Variants in AFG2B observed in about 807,000 individuals in gnomAD.
AFG2B encodes ATPase family gene 2 protein homolog B.
At chr15:45,414,766 A>G in the AFG2B span, 1 of 1,613,938 alleles carries the variant, frequency 6.2e-7, no homozygotes, top group African/African-American at 1.3e-5. Flanking sequence ...AGATTCAGAA[A>G]AAGTGTTGTC....
chr15:45,405,547 T>C, the AFG2B span: 5 of 1,562,272 alleles, frequency 3.2e-6, no homozygotes, highest in Admixed American at 1.8e-5. Context: ...TAATCTATTA[T>C]TGTAACAGAT....
the AFG2B span, among the ~76,000 whole-genome samples, chr15:45,411,127 G>T: frequency 3.9e-5 from 6 of 152,172 alleles, no homozygotes; most frequent in Admixed American, 3.3e-4. Flanking sequence ...ACTTGAACCC[G>T]GGAGGCAGAG....
chr15:45,421,286 T>G, the AFG2B span: 5 of 1,038,914 alleles, frequency 4.8e-6, no homozygotes, highest in Admixed American at 9.6e-5. Context: ...TTCACACTTT[T>G]AGAATTTGTG....
At chr15:45,403,302 A>G in the AFG2B span, 3 of 1,592,146 alleles carry the variant, frequency 1.9e-6, no homozygotes, top group African/African-American at 4.1e-5. Context: ...GCGCCCGGGA[A>G]CTGGCCAGCC....
chr15:45,412,592 T>C, the AFG2B span, among the ~76,000 whole-genome samples: 1 of 152,220 alleles, frequency 6.6e-6, no homozygotes, highest in African/African-American at 2.4e-5. Context: ...GACACTGAAA[T>C]TATATAATTT....
the AFG2B span, among the ~76,000 whole-genome samples, chr15:45,420,606 A>G: frequency 2.4e-3 from 373 of 152,284 alleles, no homozygotes; most frequent in Non-Finnish European, 4.4e-3. Context: ...ACTTTTTAGC[A>G]TAATGTTTTT....
At chr15:45,411,208 A>G in the AFG2B span, among the ~76,000 whole-genome samples, 4 of 152,160 alleles carry the variant, frequency 2.6e-5, no homozygotes, top group Non-Finnish European at 5.9e-5. Context: ...CGGGGGGAAA[A>G]AAGTGTATAA....
At chr15:45,412,726 A>C in the AFG2B span, among the ~76,000 whole-genome samples, 1 of 152,204 alleles carries the variant, frequency 6.6e-6, no homozygotes, top group Non-Finnish European at 1.5e-5. Flanking sequence ...TCTGATCTAA[A>C]AGACGTTAAA....
At chr15:45,414,801 GT>G in the AFG2B span, 1 of 1,588,908 alleles carries the variant, frequency 6.3e-7, no homozygotes. Context: ...TTCCCCATAT[GT>G]TTAAATTTAC....
At chr15:45,414,424 TGATAA>T in the AFG2B span, 4 of 680,088 alleles carry the variant, frequency 5.9e-6, no homozygotes, top group Non-Finnish European at 9.9e-6. Flanking sequence ...CTGATTCAAA[TGATAA>T]GATCTCTGCA....
At chr15:45,410,840 G>A in the AFG2B span, among the ~76,000 whole-genome samples, 2 of 152,260 alleles carry the variant, frequency 1.3e-5, no homozygotes, top group Non-Finnish European at 1.5e-5. Context: ...AGGATTGCTT[G>A]AGTTCAGGAG....
chr15:45,406,018 C>T, the AFG2B span, among the ~76,000 whole-genome samples: 2 of 151,974 alleles, frequency 1.3e-5, no homozygotes, highest in South Asian at 2.1e-4. Flanking sequence ...CCCCTTTACC[C>T]GCGAAAACGT....
chr15:45,412,252 TC>T, the AFG2B span, among the ~76,000 whole-genome samples: 2 of 151,480 alleles, frequency 1.3e-5, no homozygotes, highest in Non-Finnish European at 2.9e-5. Context: ...AATACAAAAA[TC>T]AGCCAGGTGT....
At chr15:45,407,683 A>G in the AFG2B span, among the ~76,000 whole-genome samples, 2 of 152,234 alleles carry the variant, frequency 1.3e-5, no homozygotes, top group African/African-American at 4.8e-5. Context: ...GAATAGCTCT[A>G]TACATACAGA....
the AFG2B span, chr15:45,403,375 G>T: frequency 6.2e-7 from 1 of 1,610,614 alleles, no homozygotes; most frequent in Non-Finnish European, 8.5e-7. Flanking sequence ...GGGCAGTCGA[G>T]CACCCGAGAG....
chr15:45,418,779 A>T, the AFG2B span: 1 of 1,470,622 alleles, frequency 6.8e-7, no homozygotes, highest in African/African-American at 1.4e-5. Flanking sequence ...CCTGTGTGGT[A>T]CCATGTGATG....
chr15:45,417,511 G>T, the AFG2B span: 4 of 1,145,624 alleles, frequency 3.5e-6, no homozygotes, highest in Non-Finnish European at 4.9e-6. Context: ...TCCTTGCCTG[G>T]TGGCCTTTCA....
the AFG2B span, among the ~76,000 whole-genome samples, chr15:45,419,150 T>A: frequency 6.6e-6 from 1 of 152,070 alleles, no homozygotes; most frequent in South Asian, 2.1e-4. Context: ...TGGCAAGAAA[T>A]AAAGCGAAAG....
At chr15:45,412,034 G>T in the AFG2B span, among the ~76,000 whole-genome samples, 1 of 151,578 alleles carries the variant, frequency 6.6e-6, no homozygotes, top group African/African-American at 2.4e-5. Context: ...GGAGGTGGAG[G>T]TTGCAGTGAG....
Sources: allele counts gnomAD v4.1 joint callset (sites outside exome capture counted in the v4.1 genomes callset), GRCh38; gene constraint gnomAD v4.1.1; transcripts MANE v1.5; gene names NCBI Gene and HGNC (gene_info 2026-07-23, HGNC 2026-07-21).